Variants in USP31 observed in about 807,000 individuals in gnomAD.
USP31 encodes the protein ubiquitin carboxyl-terminal hydrolase 31.
USP31 carries 44 observed loss-of-function variants against 119.4 expected under a neutral mutation model. The observed-to-expected ratio is 0.37, with a 90% CI of 0.29 to 0.47. The LOEUF (loss-of-function observed/expected upper bound fraction) is 0.47. USP31 is among the 20% of genes least tolerant of loss of function. USP31 has a pLI of 0.99. For missense variants in USP31, 1,643 were observed against 1,730.2 expected (o/e 0.95, Z 0.89); for synonymous variants, 749 against 705.6 (o/e 1.06, Z -0.97).
chr16:23,096,612 T>G (rs1018426099), intron 6 of USP31, among the ~76,000 whole-genome samples: 1 of 152,196 alleles, frequency 6.6e-6, no homozygotes, highest in Non-Finnish European at 1.5e-5. Context: ...CCTCAGCAAC[T>G]GTAAAAGAAC....
At chr16:23,083,126 G>A (rs190112568) in intron 11 of USP31, among the ~76,000 whole-genome samples, 6 of 152,170 alleles carry the variant, frequency 3.9e-5, no homozygotes, top group East Asian at 1.9e-4. Flanking sequence ...CACTGCGCCC[G>A]GCCAGATGTC....
At chr16:23,095,095 T>C (rs1901543855) in intron 6 of USP31, among the ~76,000 whole-genome samples, 1 of 151,956 alleles carries the variant, frequency 6.6e-6, no homozygotes, top group Non-Finnish European at 1.5e-5. Context: ...CTAAAAACCT[T>C]GAAAAAAAGG....
intron 1 of USP31, among the ~76,000 whole-genome samples, chr16:23,113,728 G>A (rs150833341): frequency 9.8e-5 from 15 of 152,306 alleles, no homozygotes; most frequent in African/African-American, 3.1e-4. Flanking sequence ...GAAAGATGCT[G>A]TGACCATCTG....
intron 11 of USP31, among the ~76,000 whole-genome samples, chr16:23,082,831 CTT>C (rs71151692): frequency 2.7e-4 from 35 of 129,274 alleles, no homozygotes; most frequent in Non-Finnish European, 2.6e-4. Context: ...CTTTCTCTCT[CTT>C]TTTTTTTTTT....
intron 10 of USP31, 96 bp downstream of exon 10, chr16:23,085,489 G>T: frequency 1.8e-6 from 2 of 1,121,086 alleles, no homozygotes; most frequent in South Asian, 2.8e-5. Context: ...AGAGAAGAGA[G>T]ATTTGTGTTT....
At chr16:23,139,948 G>C (rs1252936442) in intron 1 of USP31, among the ~76,000 whole-genome samples, 1 of 152,094 alleles carries the variant, frequency 6.6e-6, no homozygotes, top group Non-Finnish European at 1.5e-5. Flanking sequence ...GCCTCTTGTA[G>C]TTTTCTTAAT....
chr16:23,078,398 G>C (rs1386048016), intron 13 of USP31, among the ~76,000 whole-genome samples: 3 of 152,040 alleles, frequency 2.0e-5, no homozygotes, highest in Non-Finnish European at 2.9e-5. Context: ...TGAAGATGAG[G>C]ATGCAGAAGG....
chr16:23,096,444 GT>G (rs933008776), intron 6 of USP31, among the ~76,000 whole-genome samples: 5 of 152,066 alleles, frequency 3.3e-5, no homozygotes, highest in Admixed American at 6.5e-5. Flanking sequence ...AAGACAAAAG[GT>G]TAACAAGGAT....
At chr16:23,094,747 A>C (rs1366377840) in intron 6 of USP31, among the ~76,000 whole-genome samples, 1 of 152,156 alleles carries the variant, frequency 6.6e-6, no homozygotes, top group Non-Finnish European at 1.5e-5. Context: ...ACTCCAACAG[A>C]CCTGTAGCTG....
chr16:23,118,242 G>A (rs1567242017), intron 1 of USP31, among the ~76,000 whole-genome samples: 1 of 152,138 alleles, frequency 6.6e-6, no homozygotes, highest in African/African-American at 2.4e-5. Flanking sequence ...ACTCTGTACA[G>A]ATGCTATTAT....
intron 15 of USP31, among the ~76,000 whole-genome samples, chr16:23,070,853 A>C (rs571342756): frequency 7.9e-5 from 12 of 152,334 alleles, no homozygotes; most frequent in Middle Eastern, 3.4e-3. Context: ...GTCTTTATAG[A>C]GCCTAAGAAA....
rs113492529 is a variant in USP31, at chr16:23,110,782, A to C, written c.634-2599T>G. ...AATGCATGCCAAACATTTCACTTGT[A>C]AATGAGATATAACCAGCACTCAAAT... On this transcript the variant is annotated intron_variant, in intron 1 of 15. Coordinates refer to ENST00000219689, the MANE Select transcript of USP31 (RefSeq NM_020718.4). Among the ~76,000 whole-genome samples the C allele has an allele frequency of 7.0e-3, 1,064 of 152,314 alleles. 7 individuals are homozygous for C. Among genetic ancestry groups the C allele is most frequent in the African/African-American group, 0.025 (1,020 of 41,566 alleles).
In USP31 at chr16:23,106,487, G is replaced by T. The variant is rs757802717; in HGVS notation, c.772C>A (p.Pro258Thr). Residue 258 changes from proline (P) to threonine (T), a missense_variant and splice_region_variant, in exon 3 of 16, where the codon CCA becomes ACA. This residue lies in a region of USP31 where 144 missense variants were observed against 218.0 expected (regional missense o/e 0.66). Transcript: ENST00000219689. The stretch of plus-strand genomic sequence containing the variant: ...GGCATCATATCAGTCTCTGATGGTG[G>T]CTAAAAAAAAAAGAAAGTACAACTT... The part of the protein sequence containing the change: ...VKQSGQPPLK[P>T]PSETDMMPEG... 6.3e-7 allele frequency: 1 copy of T among 1,599,058 alleles called. No individual in the cohort carries two copies. Among genetic ancestry groups the T allele is most frequent in the South Asian group, 1.1e-5 (1 of 87,294 alleles).
At chr16:23,119,755 T>C (rs1256835484) in intron 1 of USP31, among the ~76,000 whole-genome samples, 1 of 152,236 alleles carries the variant, frequency 6.6e-6, no homozygotes, top group Non-Finnish European at 1.5e-5. Context: ...GGAATGCAGA[T>C]GATGTAGAAA....
chr16:23,081,535 C>T (rs1900825632), intron 12 of USP31, among the ~76,000 whole-genome samples: 1 of 152,234 alleles, frequency 6.6e-6, no homozygotes, highest in Non-Finnish European at 1.5e-5. Context: ...AGGCAAGGGC[C>T]TCCTTCAGGT....
At position 23,068,497 on chromosome 16, in the gene USP31, C is replaced by T; in HGVS notation, c.3608G>A (p.Ser1203Asn). 6.2e-7 allele frequency: 1 copy of T among 1,613,354 alleles called. No individual in the cohort carries two copies. Among genetic ancestry groups the T allele is most frequent in the South Asian group, 1.1e-5 (1 of 91,058 alleles). Reference protein sequence around the residue: ...GKHVRSSSMASLRSPSTSIKS... With the variant: ...GKHVRSSSMANLRSPSTSIKS... ...GATGCTTGTGCTGGGGGAGCGCAGG[C>T]TGGCCATGGAGGAGCTCCGCACGTG... The change falls in exon 16 of 16, where the codon AGC becomes AAC. Residue 1203 changes from serine to asparagine, a missense_variant. By Grantham distance (46) the Ser-to-Asn change is conservative (BLOSUM62 1). This residue lies in a region of USP31 where 699 missense variants were observed against 650.9 expected (regional missense o/e 1.07). Coordinates refer to ENST00000219689, the MANE Select transcript of USP31 (RefSeq NM_020718.4).
chr16:23,104,729 T>G (rs1184723824), intron 5 of USP31, among the ~76,000 whole-genome samples: 1 of 152,202 alleles, frequency 6.6e-6, no homozygotes, highest in Non-Finnish European at 1.5e-5. Context: ...GGAAAGCAAT[T>G]TAGCTACGGA....
chr16:23,073,939 C>A (rs571032462), intron 13 of USP31, 59 bp from the exon 14 acceptor site: 493 of 1,607,858 alleles, frequency 3.1e-4, no homozygotes, highest in Non-Finnish European at 4.0e-4. Flanking sequence ...CTTCATGCGA[C>A]CCACAGACAC....
rs1309230080 is a variant in USP31, at chr16:23,148,627, C to A, written c.633+11G>T. 4 of 1,457,984 alleles carry A rather than the reference C, an allele frequency of 2.7e-6. No individual in the cohort carries two copies. In the East Asian group the frequency reaches 1.2e-4, roughly 43 times the overall value. 90.3% of individuals were successfully genotyped at this position (1,457,984 alleles called of 1,614,324 possible). On this transcript the variant is annotated intron_variant, in intron 1 of 15. Coordinates refer to ENST00000219689, the MANE Select transcript of USP31 (RefSeq NM_020718.4). ...GGGGTGCAGTGGGGGCGCGGCGGCG[C>A]GCGGGCTCACCTTGAAGTCGCGGCT...
Sources: gnomAD v4.1 joint callset for allele counts (sites outside exome capture counted in the v4.1 genomes callset) on GRCh38, gnomAD v4.1.1 for gene constraint, gnomAD v4.1.1 regional missense constraint, MANE v1.5 for transcripts, NCBI Gene and HGNC (gene_info 2026-07-23, HGNC 2026-07-21) for gene names.